The following XYLB variants were observed in gnomAD, a reference collection of about 807,000 sequenced individuals.
The protein encoded by XYLB is xylulokinase.
In XYLB, 62 loss-of-function variants were observed where a neutral mutation model predicts 78.7. The ratio of observed to expected loss-of-function variants is 0.79; its 90% CI spans 0.64 to 0.97. The LOEUF is 0.97. Ranked by LOEUF, XYLB falls within the 50% of genes least tolerant of loss-of-function variation. The pLI is 0.00. For missense variants in XYLB, 687 were observed against 676.8 expected, an observed-to-expected ratio of 1.02 and a Z score of -0.17; for synonymous variants, 245 against 247.4, an observed-to-expected ratio of 0.99 and a Z score of 0.09.
At chr3:38,376,007 C>G in intron 12 of XYLB, 110 bp from the exon 13 acceptor site, 1 of 758,662 alleles carries the variant, frequency 1.3e-6, no homozygotes, top group Non-Finnish European at 2.4e-6. Context: ...GACTAGGGGT[C>G]GTGGTCCAGC....
At chr3:38,354,367 C>T (rs1705529750) in intron 2 of XYLB, among the ~76,000 whole-genome samples, 1 of 151,996 alleles carries the variant, frequency 6.6e-6, no homozygotes, top group Non-Finnish European at 1.5e-5. Flanking sequence ...TGCACCCGGC[C>T]TGTAATATGT....
At chr3:38,354,193 C>T (rs1023552254) in intron 2 of XYLB, among the ~76,000 whole-genome samples, 1 of 152,008 alleles carries the variant, frequency 6.6e-6, no homozygotes, top group East Asian at 2.0e-4. Flanking sequence ...TCTGCCTCAG[C>T]CTCCTGAGTA....
At chr3:38,372,981 C>G (rs529901466) in intron 10 of XYLB, among the ~76,000 whole-genome samples, 8 of 152,326 alleles carry the variant, frequency 5.3e-5, no homozygotes, top group African/African-American at 1.7e-4. Flanking sequence ...ACTCTGCCCT[C>G]AGGAGCTGGT....
the XYLB span, among the ~76,000 whole-genome samples, chr3:38,435,988 C>A: frequency 6.6e-6 from 1 of 152,052 alleles, no homozygotes; most frequent in African/African-American, 2.4e-5. Flanking sequence ...ATAGAAAGAT[C>A]ACAAGTTAAC....
intron 15 of XYLB, among the ~76,000 whole-genome samples, chr3:38,389,570 G>A (rs1297152575): frequency 6.7e-6 from 1 of 150,308 alleles, no homozygotes; most frequent in African/African-American, 2.5e-5. Flanking sequence ...GGCTGGCCGG[G>A]CGGGGGCTGA....
intron 15 of XYLB, among the ~76,000 whole-genome samples, chr3:38,393,632 G>A (rs572844398): frequency 7.9e-5 from 12 of 152,196 alleles, no homozygotes; most frequent in Non-Finnish European, 1.2e-4. Context: ...AAAAGTCTGC[G>A]ATCAAGGTGT....
At chr3:38,372,280 C>G (rs536913267) in intron 9 of XYLB, 1 of 472,346 alleles carries the variant, frequency 2.1e-6, no homozygotes, top group South Asian at 9.1e-5. Flanking sequence ...ATTATCTGCT[C>G]CCATGAGTTT....
At chr3:38,405,433 C>A (rs1708275780) in intron 18 of XYLB, among the ~76,000 whole-genome samples, 1 of 149,674 alleles carries the variant, frequency 6.7e-6, no homozygotes, top group Non-Finnish European at 1.5e-5. Context: ...CAGCTCGGGT[C>A]TACAGCTCCC....
At chr3:38,372,843 T>C in intron 10 of XYLB, 107 bp downstream of exon 10, 1 of 1,208,802 alleles carries the variant, frequency 8.3e-7, no homozygotes, top group Non-Finnish European at 1.2e-6. Context: ...TGGTCATTCC[T>C]CACCACCCCC....
intron 2 of XYLB, among the ~76,000 whole-genome samples, chr3:38,359,851 T>C (rs1388839779): frequency 6.6e-6 from 1 of 152,168 alleles, no homozygotes; most frequent in African/African-American, 2.4e-5. Flanking sequence ...GGTTGGATTT[T>C]ATCAGATCAG....
Position 38,375,096 on chromosome 3 carries a change from G to A in XYLB, c.889-48G>A, listed in dbSNP as rs368035732. ...CAGCGCGTCGCTGGCAGAGGGCAGC[G>A]TGTGTGGGCAAAGCCCAAGGTGCCC... On this transcript the variant is annotated intron_variant, in intron 11 of 18. Transcript: ENST00000207870. 3.0e-5 allele frequency: 45 copies of A among 1,481,754 alleles called. No individual in the cohort carries two copies. In the Middle Eastern group the frequency reaches 5.2e-4, roughly 17 times the overall value. 91.8% of individuals were successfully genotyped at this position (1,481,754 alleles called of 1,614,324 possible).
chr3:38,405,986 C>A (rs1025523579), intron 18 of XYLB, among the ~76,000 whole-genome samples: 1 of 152,250 alleles, frequency 6.6e-6, no homozygotes, highest in Non-Finnish European at 1.5e-5. Context: ...ACAGCAGTAA[C>A]CTCTGCAGTG....
At chr3:38,435,340 C>T in the XYLB span, among the ~76,000 whole-genome samples, 1 of 152,114 alleles carries the variant, frequency 6.6e-6, no homozygotes, top group African/African-American at 2.4e-5. Flanking sequence ...CACACACACA[C>T]ACACACAAAG....
At chr3:38,450,496 C>T in the XYLB span, among the ~76,000 whole-genome samples, 1 of 152,208 alleles carries the variant, frequency 6.6e-6, no homozygotes, top group Non-Finnish European at 1.5e-5. Context: ...GGTCCTAACA[C>T]ACTGAATGCC....
intron 2 of XYLB, among the ~76,000 whole-genome samples, chr3:38,353,412 C>T (rs1350925064): frequency 6.6e-6 from 1 of 152,030 alleles, no homozygotes; most frequent in Non-Finnish European, 1.5e-5. Flanking sequence ...CTCAAGCAAT[C>T]CTCCCTCCTT....
chr3:38,409,651 A>C (rs1224878621), intron 18 of XYLB, among the ~76,000 whole-genome samples: 4 of 152,196 alleles, frequency 2.6e-5, no homozygotes, highest in East Asian at 3.9e-4. Flanking sequence ...TTTTCTCAGC[A>C]CAAAATCTCC....
intron 17 of XYLB, 122 bp from the exon 18 acceptor site, chr3:38,400,769 G>A: frequency 1.4e-6 from 1 of 707,158 alleles, no homozygotes; most frequent in Admixed American, 2.6e-5. Context: ...ACTGAATTGT[G>A]CAACCATCAC....
At chr3:38,415,937 AAGAG>A (rs908863341), downstream of XYLB, among the ~76,000 whole-genome samples, 9 of 152,184 alleles carry the variant, frequency 5.9e-5, no homozygotes, top group Non-Finnish European at 1.0e-4. Context: ...GGTGGCAAGA[AAGAG>A]AGAGCATGGA....
chr3:38,448,139 C>A, the XYLB span, among the ~76,000 whole-genome samples: 1 of 148,328 alleles, frequency 6.7e-6, no homozygotes, highest in Non-Finnish European at 1.5e-5. Context: ...AAGCCAGGCA[C>A]AACAAGACAA....
Sources: gnomAD v4.1 joint callset for allele counts (sites outside exome capture counted in the v4.1 genomes callset) on GRCh38, gnomAD v4.1.1 for gene constraint, MANE v1.5 for transcripts, NCBI Gene and HGNC (gene_info 2026-07-23, HGNC 2026-07-21) for gene names.